Variants in PAN3 observed in about 807,000 individuals in gnomAD.
The protein encoded by PAN3 is PAN2-PAN3 deadenylation complex subunit PAN3.
Under a neutral mutation model 96.2 loss-of-function variants are expected in PAN3, and 19 were observed. The ratio of observed to expected loss-of-function variants is 0.20; its 90% CI spans 0.14 to 0.29. The LOEUF is 0.29. Ranked by LOEUF, PAN3 falls within the 10% of genes least tolerant of loss-of-function variation. The probability of loss-of-function intolerance (pLI) is 1.00; values close to 1 mark genes in which losing one functional copy is unlikely to be tolerated. For missense variants in PAN3, 882 were observed against 1,108.1 expected, an observed-to-expected ratio of 0.80 and a Z score of 2.90; for synonymous variants, 433 against 406.6, an observed-to-expected ratio of 1.06 and a Z score of -0.78.
At chr13:28,262,062 C>A (rs1593589599) in intron 9 of PAN3, among the ~76,000 whole-genome samples, 1 of 152,224 alleles carries the variant, frequency 6.6e-6, no homozygotes. Context: ...TGTGAGACTA[C>A]TGTGTGCCAG....
At chr13:28,189,789 C>T (rs918329782) in intron 4 of PAN3, among the ~76,000 whole-genome samples, 1 of 152,128 alleles carries the variant, frequency 6.6e-6, no homozygotes, top group Non-Finnish European at 1.5e-5. Context: ...TCTTAGACCT[C>T]GCTCTAAGGC....
intron 1 of PAN3, among the ~76,000 whole-genome samples, chr13:28,141,454 CTTTTTTTCTTTTTTT>C (rs1869807387): frequency 8.1e-6 from 1 of 123,912 alleles, no homozygotes; most frequent in Non-Finnish European, 1.7e-5. Flanking sequence ...TTTTCTTTTT[CTTTTTTTCTTTTTTT>C]TTTTTTTTTT....
chr13:28,145,523 C>T (rs2137933807), intron 1 of PAN3, among the ~76,000 whole-genome samples: 1 of 152,136 alleles, frequency 6.6e-6, no homozygotes, highest in South Asian at 2.1e-4. Context: ...GACAGGGTTT[C>T]ACCATGTTGG....
intron 5 of PAN3, among the ~76,000 whole-genome samples, chr13:28,202,551 C>G (rs1878858061): frequency 6.6e-6 from 1 of 152,110 alleles, no homozygotes; most frequent in East Asian, 1.9e-4. Context: ...CCATTGTTAA[C>G]TGAGCCTGAA....
upstream of PAN3, chr13:28,138,293 C>G (rs1593332386): frequency 1.3e-5 from 2 of 156,766 alleles, no homozygotes; most frequent in African/African-American, 4.8e-5. Context: ...TAAAAATAAA[C>G]CGGCCCCTCC....
At chr13:28,270,066 G>T (rs1886486466) in intron 12 of PAN3, among the ~76,000 whole-genome samples, 2 of 152,032 alleles carry the variant, frequency 1.3e-5, no homozygotes, top group African/African-American at 4.8e-5. Context: ...TCTCTACAAA[G>T]AAAAGAATAT....
chr13:28,245,093 C>A (rs1054209844), intron 6 of PAN3, among the ~76,000 whole-genome samples: 1 of 152,142 alleles, frequency 6.6e-6, no homozygotes, highest in African/African-American at 2.4e-5. Context: ...ATGATCCACC[C>A]ACCTCGGCCT....
At chr13:28,218,711 C>G (rs1881071507) in intron 5 of PAN3, among the ~76,000 whole-genome samples, 1 of 151,960 alleles carries the variant, frequency 6.6e-6, no homozygotes, top group African/African-American at 2.4e-5. Context: ...TAGAGAAACT[C>G]ATTTTTGAAA....
At chr13:28,230,806 A>T (rs1255145036) in intron 6 of PAN3, among the ~76,000 whole-genome samples, 4 of 152,142 alleles carry the variant, frequency 2.6e-5, no homozygotes, top group Admixed American at 2.6e-4. Context: ...TTGTTTGTAA[A>T]CAACACAACA....
intron 6 of PAN3, among the ~76,000 whole-genome samples, chr13:28,232,026 T>C (rs999857264): frequency 1.3e-5 from 2 of 152,232 alleles, no homozygotes; most frequent in African/African-American, 4.8e-5. Flanking sequence ...GAAATGTCAC[T>C]GTTACGCAGT....
intron 18 of PAN3, among the ~76,000 whole-genome samples, chr13:28,289,692 T>C (rs1169834445): frequency 4.6e-5 from 7 of 152,114 alleles, no homozygotes; most frequent in Non-Finnish European, 7.4e-5. Flanking sequence ...CCATCCTGGC[T>C]AACACGGTGA....
At chr13:28,254,532 C>A (rs1423230924) in intron 6 of PAN3, among the ~76,000 whole-genome samples, 4 of 152,114 alleles carry the variant, frequency 2.6e-5, no homozygotes, top group South Asian at 2.1e-4. Context: ...AAATGCATTT[C>A]ATTTTAGACA....
chr13:28,207,316 A>G (rs1879494658), intron 5 of PAN3, among the ~76,000 whole-genome samples: 1 of 152,142 alleles, frequency 6.6e-6, no homozygotes, highest in Non-Finnish European at 1.5e-5. Context: ...TATAATGTAG[A>G]TCCACCTTTA....
At chr13:28,197,408 G>T in intron 5 of PAN3, 62 bp downstream of exon 5, 1 of 1,459,584 alleles carries the variant, frequency 6.9e-7, no homozygotes, top group Non-Finnish European at 9.2e-7. Context: ...TTCTGTGTCT[G>T]TTTGGGGTGG....
intron 18 of PAN3, among the ~76,000 whole-genome samples, chr13:28,288,957 GCT>G (rs1869347936): frequency 6.7e-6 from 1 of 150,142 alleles, no homozygotes; most frequent in Non-Finnish European, 1.5e-5. Context: ...CTCCCAAGTA[GCT>G]GGGACTACAG....
intron 1 of PAN3, among the ~76,000 whole-genome samples, chr13:28,151,657 T>C (rs1871379709): frequency 6.6e-6 from 1 of 152,182 alleles, no homozygotes; most frequent in South Asian, 2.1e-4. Context: ...ATTTCAGACA[T>C]GTTTTCCAGG....
chr13:28,182,181 G>A (rs1464893654), intron 4 of PAN3, among the ~76,000 whole-genome samples: 1 of 152,202 alleles, frequency 6.6e-6, no homozygotes, highest in Non-Finnish European at 1.5e-5. Flanking sequence ...GTGATTCAGT[G>A]CTATGATATC....
At chr13:28,259,604 A>G (rs1038335142) in intron 7 of PAN3, among the ~76,000 whole-genome samples, 3 of 151,498 alleles carry the variant, frequency 2.0e-5, no homozygotes, top group Admixed American at 1.3e-4. Flanking sequence ...CTGAAATATT[A>G]TGTTTATTTT....
At chr13:28,159,820 GCATATTATCTGGGTGA>G (rs1336740896) in intron 1 of PAN3, among the ~76,000 whole-genome samples, 3 of 152,020 alleles carry the variant, frequency 2.0e-5, no homozygotes, top group Non-Finnish European at 4.4e-5. Context: ...TGGGTACCGT[GCATATTATCTGGGTGA>G]CAAAATAATC....
Sources: gnomAD v4.1 joint callset for allele counts (sites outside exome capture counted in the v4.1 genomes callset) on GRCh38, gnomAD v4.1.1 for gene constraint, MANE v1.5 for transcripts, NCBI Gene and HGNC (gene_info 2026-07-23, HGNC 2026-07-21) for gene names.